The following UGT2B4 variants were observed in gnomAD, a reference collection of about 807,000 sequenced individuals.
UGT2B4 encodes UDP-glucuronosyltransferase 2B4.
UGT2B4 carries 49 observed loss-of-function variants against 49.8 expected under a neutral mutation model. The observed-to-expected ratio is 0.98, with a 90% confidence interval of 0.78 to 1.25. The LOEUF is 1.25. Among genes scored for constraint, UGT2B4 ranks in the 50% most tolerant of loss-of-function variants. The probability of loss-of-function intolerance (pLI) is 0.00; values close to 1 mark genes in which losing one functional copy is unlikely to be tolerated. For missense variants in UGT2B4, 729 were observed against 627.7 expected (o/e 1.16, Z -1.73); for synonymous variants, 246 against 217.7 (o/e 1.13, Z -1.14).
At chr4:69,491,791 G>A (rs778233502) in intron 2 of UGT2B4, among the ~76,000 whole-genome samples, 1 of 152,002 alleles carries the variant, frequency 6.6e-6, no homozygotes, top group African/African-American at 2.4e-5. Flanking sequence ...AGTAGGATAG[G>A]GTGGGACAGA....
chr4:69,486,618 C>T lies in UGT2B4; in HGVS notation c.1081G>A (p.Asp361Asn). 1 of 1,594,384 alleles carries T rather than the reference C, an allele frequency of 6.3e-7. No homozygotes were observed. The highest frequency in any genetic ancestry group is 8.5e-7 in the Non-Finnish European group (1 of 1,172,756). The change falls in exon 4 of 6, where the codon GAT (aspartate) becomes AAT (asparagine). Residue 361 changes from aspartate (D) to asparagine (N), a missense_variant. By Grantham distance (23) the Asp-to-Asn change is conservative. Coordinates refer to ENST00000305107, the MANE Select transcript of UGT2B4 (RefSeq NM_021139.3). ...TRLYKWIPQNDLLGHPKTRAF... is the reference protein window; with the variant it reads ...TRLYKWIPQNNLLGHPKTRAF... ...TTCTTCAGAGACTTACCAAGAAGAT[C>T]ATTCTGGGGTATCCACTTGTACAGC...
chr4:69,506,833 T>C (rs577694926), intron 1 of UGT2B4, among the ~76,000 whole-genome samples: 2 of 152,190 alleles, frequency 1.3e-5, no homozygotes, highest in Admixed American at 1.3e-4. Context: ...AACAACACAC[T>C]GGCAAGCTGA....
At chr4:69,504,862 A>G (rs1183691504) in intron 1 of UGT2B4, among the ~76,000 whole-genome samples, 1 of 152,198 alleles carries the variant, frequency 6.6e-6, no homozygotes, top group East Asian at 1.9e-4. Context: ...GAGAAAGACC[A>G]GGTCACCTAC....
At chr4:69,523,610 T>C (rs539617313) in intron 1 of UGT2B4, among the ~76,000 whole-genome samples, 2 of 152,224 alleles carry the variant, frequency 1.3e-5, no homozygotes, top group Non-Finnish European at 2.9e-5. Flanking sequence ...AGATTTATCA[T>C]AATTCTCAAG....
chr4:69,525,299 G>A (rs1728955603), intron 1 of UGT2B4, among the ~76,000 whole-genome samples: 1 of 152,084 alleles, frequency 6.6e-6, no homozygotes, highest in Admixed American at 6.5e-5. Context: ...GGCTTGTCTT[G>A]ATAATAGTAA....
In UGT2B4 at chr4:69,485,300, C is replaced by G. The variant is rs752649345; in HGVS notation, c.1218G>C (p.Met406Ile). The G allele has an allele frequency of 6.8e-6, 11 of 1,614,004 alleles. No homozygotes were observed. The highest frequency in any genetic ancestry group is 9.3e-6 in the Non-Finnish European group (11 of 1,179,946). Residue 406 changes from methionine to isoleucine, a missense_variant, in exon 5 of 6, where the codon ATG (methionine) becomes ATC (isoleucine). Coordinates refer to ENST00000305107, the MANE Select transcript of UGT2B4 (RefSeq NM_021139.3). ...FADQPDNIAH[M>I]KAKGAAVSLD... ...AACTAACAGCTGCTCCCTTGGCCTT[C>G]ATGTGTGCAATGTTATCAGGTTGAT...
At chr4:69,502,447 C>T (rs889397991) in intron 1 of UGT2B4, among the ~76,000 whole-genome samples, 10 of 151,616 alleles carry the variant, frequency 6.6e-5, no homozygotes, top group Admixed American at 2.6e-4. Context: ...CAGAGCTATT[C>T]GGAAAAAGGG....
rs773199570 is a variant in UGT2B4 at position 69,495,484 on chromosome 4, G to T, written c.378C>A (p.Phe126Leu). The part of the protein sequence containing the change: ...MWTFNDILRK[F>L]CKDIVSNKKL... ...TCTTATTTGAAACTATATCCTTACA[G>T]AACTTTCTAAGTATGTCATTAAATG... The change falls in exon 1 of 6, where the codon TTC (phenylalanine) becomes TTA (leucine). Residue 126 changes from phenylalanine (F) to leucine (L), a missense_variant. Transcript: ENST00000305107. 56 of 1,612,310 alleles carry T rather than the reference G, an allele frequency of 3.5e-5. No individual in the cohort carries two copies. Among genetic ancestry groups the T allele is most frequent in the Non-Finnish European group, 4.7e-5 (55 of 1,179,054 alleles).
intron 1 of UGT2B4, among the ~76,000 whole-genome samples, chr4:69,520,840 G>C (rs1211722944): frequency 6.6e-6 from 1 of 152,156 alleles, no homozygotes; most frequent in Non-Finnish European, 1.5e-5. Context: ...AGACTCCTGG[G>C]CGGTAAGAGG....
chr4:69,502,153 T>TCTTTC (rs1728355106), intron 1 of UGT2B4, among the ~76,000 whole-genome samples: 1 of 120,772 alleles, frequency 8.3e-6, no homozygotes, highest in Non-Finnish European at 1.8e-5. Flanking sequence ...TTCTTTCTCT[T>TCTTTC]TCTTTCTTTC....
At chr4:69,522,965 A>C (rs969795902) in intron 1 of UGT2B4, among the ~76,000 whole-genome samples, 6 of 152,172 alleles carry the variant, frequency 3.9e-5, no homozygotes, top group African/African-American at 7.2e-5. Context: ...TTCTTCTCCA[A>C]TGCAGAAGCA....
chr4:69,491,650 A>G (rs189466573), intron 2 of UGT2B4, among the ~76,000 whole-genome samples: 7 of 152,282 alleles, frequency 4.6e-5, no homozygotes, highest in Non-Finnish European at 8.8e-5. Context: ...GTTAGTAACA[A>G]CAGCTAGTAT....
chr4:69,489,989 T>A (rs542388819), intron 2 of UGT2B4, among the ~76,000 whole-genome samples: 125 of 152,266 alleles, frequency 8.2e-4, no homozygotes, highest in African/African-American at 2.9e-3. Flanking sequence ...ATTATTTTAG[T>A]TTGAAGTCAT....
chr4:69,518,618 A>C (rs1728784651), intron 1 of UGT2B4, among the ~76,000 whole-genome samples: 1 of 152,182 alleles, frequency 6.6e-6, no homozygotes, highest in Non-Finnish European at 1.5e-5. Context: ...AAATACCTAA[A>C]ATAGAGATAA....
At chr4:69,523,979 C>T (rs1728904468) in intron 1 of UGT2B4, among the ~76,000 whole-genome samples, 2 of 152,050 alleles carry the variant, frequency 1.3e-5, no homozygotes, top group Non-Finnish European at 2.9e-5. Context: ...AACTTTTTTT[C>T]TGCAGCTTCC....
chr4:69,489,555 C>G lies in UGT2B4; in HGVS notation c.886G>C (p.Val296Leu), dbSNP rs771729489. 1.9e-6 allele frequency: 3 copies of G among 1,607,886 alleles called. No homozygotes were observed. In the Admixed American group the frequency reaches 5.1e-5, roughly 27 times the overall value. The change falls in exon 3 of 6, where the codon GTC becomes CTC. Residue 296 changes from valine to leucine, a missense_variant. Val to Leu is a conservative substitution (Grantham distance 32). Transcript: ENST00000305107. The part of the protein sequence containing the change: ...KPLPKEMEEF[V>L]QSSGENGVVV... ...ACACCATTTTCTCCAGAGCTCTGGA[C>G]AAACTCTTCCATTTCCTGTGAAAAA...
At chr4:69,513,935 C>T (rs1009246943) in intron 1 of UGT2B4, among the ~76,000 whole-genome samples, 4 of 152,010 alleles carry the variant, frequency 2.6e-5, no homozygotes, top group Non-Finnish European at 2.9e-5. Flanking sequence ...ATATCCTGAG[C>T]ATTTGCTGAA....
chr4:69,510,725 T>C (rs539057921), intron 1 of UGT2B4, among the ~76,000 whole-genome samples: 2 of 152,164 alleles, frequency 1.3e-5, no homozygotes, highest in Admixed American at 6.5e-5. Flanking sequence ...TTTTGGGGAG[T>C]ACTTAGGGTT....
intron 5 of UGT2B4, among the ~76,000 whole-genome samples, chr4:69,482,842 G>A (rs78876792): frequency 7.2e-5 from 11 of 151,746 alleles, no homozygotes; most frequent in Non-Finnish European, 1.5e-4. Context: ...TCCTGACATC[G>A]TGATCCACCT....
Sources: gnomAD v4.1 joint callset for allele counts (sites outside exome capture counted in the v4.1 genomes callset) on GRCh38, gnomAD v4.1.1 for gene constraint, MANE v1.5 for transcripts, NCBI Gene and HGNC (gene_info 2026-07-23, HGNC 2026-07-21) for gene names.